The following IL17RD variants were observed in gnomAD, a reference collection of about 807,000 sequenced individuals.
IL17RD encodes interleukin-17 receptor D.
In IL17RD, 52 loss-of-function variants were observed where a neutral mutation model predicts 80.5. The ratio of observed to expected loss-of-function variants is 0.65; its 90% CI spans 0.52 to 0.81. The LOEUF (loss-of-function observed/expected upper bound fraction) is 0.81. IL17RD is among the 40% of genes least tolerant of loss of function. IL17RD has a pLI of 0.00. For missense variants in IL17RD, 1,024 were observed against 955.1 expected (o/e 1.07, Z -0.95); for synonymous variants, 416 against 391.8 (o/e 1.06, Z -0.73).
intron 1 of IL17RD, among the ~76,000 whole-genome samples, chr3:57,122,385 G>A (rs1192089454): frequency 2.0e-5 from 3 of 152,180 alleles, no homozygotes; most frequent in East Asian, 1.9e-4. Flanking sequence ...CCCAACCCCC[G>A]GGCCCTGGAC....
At chr3:57,133,936 A>T (rs1707665803) in intron 1 of IL17RD, among the ~76,000 whole-genome samples, 1 of 152,236 alleles carries the variant, frequency 6.6e-6, no homozygotes, top group South Asian at 2.1e-4. Context: ...AGAAATGTTT[A>T]CAAAATCAAA....
Position 57,102,574 on chromosome 3 carries a change from G to A in IL17RD, c.884C>T (p.Ala295Val). ...YALKPVHSPW[A>V]GPIRAVAITV... Reference sequence around the variant, plus strand: ...GATGGCCACGGCTCTGATGGGCCCGGCCCACGGGGAGTGCACTGGGAAATT... The same window carrying A: ...GATGGCCACGGCTCTGATGGGCCCGACCCACGGGGAGTGCACTGGGAAATT... The change falls in exon 10 of 13, where the codon GCC becomes GTC. Residue 295 changes from alanine to valine, a missense_variant. Coordinates refer to ENST00000296318, the MANE Select transcript of IL17RD (RefSeq NM_017563.5). The A allele has an allele frequency of 2.6e-6, 4 of 1,556,946 alleles. No individual in the cohort carries two copies. Among genetic ancestry groups the A allele is most frequent in the Non-Finnish European group, 2.6e-6 (3 of 1,137,266 alleles).
intron 1 of IL17RD, 96 bp downstream of exon 1, chr3:57,165,065 G>C: frequency 7.3e-7 from 1 of 1,376,434 alleles, no homozygotes; most frequent in Non-Finnish European, 9.3e-7. Flanking sequence ...GCGAAGAGCA[G>C]ACAGGTTGGC....
chr3:57,131,719 G>C (rs1236054043), intron 1 of IL17RD, among the ~76,000 whole-genome samples: 1 of 152,218 alleles, frequency 6.6e-6, no homozygotes, highest in African/African-American at 2.4e-5. Flanking sequence ...ATTTGGGGGA[G>C]AACTGTGGTG....
intron 1 of IL17RD, chr3:57,142,691 G>C (rs969528063): frequency 6.5e-6 from 1 of 154,640 alleles, no homozygotes; most frequent in African/African-American, 2.4e-5. Flanking sequence ...GGGGCGGGGG[G>C]GAGGTTGGTG....
chr3:57,111,454 G>A (rs1461786136), intron 3 of IL17RD, among the ~76,000 whole-genome samples: 2 of 152,090 alleles, frequency 1.3e-5, no homozygotes, highest in Admixed American at 6.5e-5. Flanking sequence ...AAAGCCAGCT[G>A]AGCAACCACC....
At chr3:57,125,469 T>C (rs1394038832) in intron 1 of IL17RD, among the ~76,000 whole-genome samples, 2 of 152,116 alleles carry the variant, frequency 1.3e-5, no homozygotes, top group African/African-American at 4.8e-5. Context: ...AGATGACATA[T>C]ATCAAGTGCT....
Position 57,120,292 on chromosome 3 carries a change from T to C in IL17RD, c.148A>G (p.Asn50Asp). 2 of 1,613,806 alleles carry C rather than the reference T, an allele frequency of 1.2e-6. No individual in the cohort carries two copies. Among genetic ancestry groups the C allele is most frequent in the Non-Finnish European group, 8.5e-7 (1 of 1,179,664 alleles). Reference protein sequence around the residue: ...GWRGVGPASRNSGLYNITFKY... With the variant: ...GWRGVGPASRDSGLYNITFKY... ...AAGGTGATGTTGTACAGCCCACTGT[T>C]TCTGCTGGCTGGCCCCACTCCCTGT... The change falls in exon 2 of 13, where the codon AAC becomes GAC. Residue 50 changes from asparagine to aspartate, a missense_variant. Asn to Asp is a conservative substitution (Grantham distance 23). Transcript: ENST00000296318.
At chr3:57,114,933 G>A (rs1226538897) in intron 2 of IL17RD, 116 bp from the exon 3 acceptor site, 1 of 798,770 alleles carries the variant, frequency 1.3e-6, no homozygotes, top group Admixed American at 3.6e-5. Context: ...TTCTGTTAAA[G>A]ATGTGTCCCT....
rs998017380 is a variant in IL17RD, at chr3:57,091,747, A to T, written c.*4646T>A. On this transcript the variant is annotated 3_prime_UTR_variant, in exon 13 of 13. Transcript: ENST00000296318. ...GGAAGCTGGCTTGAATTTCTCTAAG[A>T]CATACAAAGAACTATCTGATCAGCA... The T allele has an allele frequency of 2.0e-5, 3 of 152,308 alleles. No homozygotes were observed. Among genetic ancestry groups the T allele is most frequent in the African/African-American group, 7.2e-5 (3 of 41,444 alleles). The allele number at this position is 152,308 out of a possible 1,614,324, so 9.4% of individuals were successfully genotyped here.
chr3:57,146,587 C>A (rs527421289), intron 1 of IL17RD, among the ~76,000 whole-genome samples: 29 of 151,880 alleles, frequency 1.9e-4, no homozygotes, highest in Non-Finnish European at 3.7e-4. Context: ...CCCATCTCTA[C>A]TAAAAATACA....
At chr3:57,134,486 C>T (rs898909390) in intron 1 of IL17RD, 2 of 985,958 alleles carry the variant, frequency 2.0e-6, no homozygotes, top group African/African-American at 3.2e-5. Flanking sequence ...AGATTGATCA[C>T]CACACATATC....
In IL17RD at chr3:57,116,096, CCT is replaced by C. The variant is rs556736385; in HGVS notation, c.185-1281_185-1280del. Among the ~76,000 whole-genome samples, 94 of 152,176 alleles carry C rather than the reference CCT, an allele frequency of 6.2e-4. 1 individual carries two copies. The South Asian group carries it at 0.019, about 31-fold the overall frequency. ...CTTGTTTTAACATGCACATAATATT[CCT>C]CTTTTTAAATGTATTAAAGCATAAC... On this transcript the variant is annotated intron_variant, in intron 2 of 12. Coordinates refer to ENST00000296318, the MANE Select transcript of IL17RD (RefSeq NM_017563.5).
chr3:57,141,666 AT>A (rs1402353836), intron 1 of IL17RD, among the ~76,000 whole-genome samples: 2 of 152,108 alleles, frequency 1.3e-5, no homozygotes, highest in Non-Finnish European at 2.9e-5. Flanking sequence ...TATAATAAAC[AT>A]TTCTGGGAGG....
intron 1 of IL17RD, among the ~76,000 whole-genome samples, chr3:57,128,005 G>A (rs571777033): frequency 6.6e-6 from 1 of 152,274 alleles, no homozygotes; most frequent in South Asian, 2.1e-4. Flanking sequence ...GCTGGTGAAC[G>A]CAAAACGCAG....
intron 1 of IL17RD, among the ~76,000 whole-genome samples, chr3:57,132,093 G>A (rs1292195805): frequency 6.6e-6 from 1 of 152,112 alleles, no homozygotes; most frequent in African/African-American, 2.4e-5. Context: ...GGCTGAGGCA[G>A]GGGGATCGCT....
At chr3:57,146,035 G>GCACGCA (rs781080176) in intron 1 of IL17RD, among the ~76,000 whole-genome samples, 4,773 of 151,372 alleles carry the variant, frequency 0.032, 256 homozygotes, top group African/African-American at 0.11. Context: ...ACACTCACGC[G>GCACGCA]CGCGCGCGCG....
intron 1 of IL17RD, among the ~76,000 whole-genome samples, chr3:57,140,537 C>T (rs1373098288): frequency 5.3e-5 from 8 of 152,134 alleles, no homozygotes; most frequent in Non-Finnish European, 1.0e-4. Context: ...GGCACTAATA[C>T]AAGTATTAAT....
At chr3:57,143,842 T>A (rs1270263779) in intron 1 of IL17RD, among the ~76,000 whole-genome samples, 3 of 152,140 alleles carry the variant, frequency 2.0e-5, no homozygotes, top group Non-Finnish European at 4.4e-5. Context: ...CTTCTGGAAG[T>A]GGTCAGCTTC....
Sources: allele counts gnomAD v4.1 joint callset (sites outside exome capture counted in the v4.1 genomes callset), GRCh38; gene constraint gnomAD v4.1.1; transcripts MANE v1.5; gene names NCBI Gene and HGNC (gene_info 2026-07-23, HGNC 2026-07-21).